The following CDKL4 variants were observed in gnomAD, a reference collection of about 807,000 sequenced individuals.
CDKL4 encodes the protein cyclin dependent kinase like 4, also known as cyclin-dependent kinase-like 4.
A neutral mutation model predicts 42.0 loss-of-function variants in CDKL4; 44 were observed. That is an observed-to-expected ratio of 1.05 (90% CI 0.82 to 1.35). CDKL4 has a LOEUF of 1.35. Ranked by LOEUF, CDKL4 falls within the 40% of genes most tolerant of loss-of-function variation. The pLI is 0.00. For synonymous variants in CDKL4, 120 were observed against 121.6 expected (o/e 0.99, Z 0.09); for missense variants, 393 against 369.9 (o/e 1.06, Z -0.51).
chr2:39,192,269 A>C (rs1484450446), intron 5 of CDKL4, among the ~76,000 whole-genome samples: 1 of 152,226 alleles, frequency 6.6e-6, no homozygotes, highest in Non-Finnish European at 1.5e-5. Flanking sequence ...AACAGAAAGA[A>C]GGTAAATATA....
intron 3 of CDKL4, among the ~76,000 whole-genome samples, chr2:39,220,741 C>T (rs990324888): frequency 5.3e-5 from 8 of 151,850 alleles, no homozygotes; most frequent in South Asian, 2.1e-4. Context: ...CCTGCCACCA[C>T]GCCTGGCTAA....
intron 5 of CDKL4, among the ~76,000 whole-genome samples, chr2:39,191,198 A>G (rs1239904858): frequency 2.0e-5 from 3 of 152,130 alleles, no homozygotes; most frequent in Non-Finnish European, 2.9e-5. Context: ...CAGGAGTTTG[A>G]GACCAGCCTG....
intron 1 of CDKL4, among the ~76,000 whole-genome samples, chr2:39,231,211 C>G (rs1048542699): frequency 1.1e-5 from 1 of 92,954 alleles, no homozygotes; most frequent in Non-Finnish European, 2.6e-5. Context: ...GGCTCCATCT[C>G]AAAAACAAAA....
At chr2:39,209,152 T>A (rs10194938) in intron 4 of CDKL4, among the ~76,000 whole-genome samples, 107,716 of 148,194 alleles carry the variant, frequency 0.73, 43,734 homozygotes, top group Non-Finnish European at 0.91. Flanking sequence ...AAAAAAAAAT[T>A]TTTTTTTTAA....
At chr2:39,178,219 T>C (rs2148276667) in intron 9 of CDKL4, among the ~76,000 whole-genome samples, 1 of 152,340 alleles carries the variant, frequency 6.6e-6, no homozygotes, top group Non-Finnish European at 1.5e-5. Context: ...TGGATTAGTT[T>C]GATTTTTCTC....
At chr2:39,193,478 C>T (rs777914574) in intron 5 of CDKL4, among the ~76,000 whole-genome samples, 133 of 151,848 alleles carry the variant, frequency 8.8e-4, no homozygotes, top group Non-Finnish European at 1.4e-3. Flanking sequence ...CGGGTACATG[C>T]GATTCTCCTG....
At chr2:39,168,390 T>G in the CDKL4 span, among the ~76,000 whole-genome samples, 1 of 152,202 alleles carries the variant, frequency 6.6e-6, no homozygotes, top group Non-Finnish European at 1.5e-5. Flanking sequence ...ATATGCCTGT[T>G]GAGTAGGATT....
At chr2:39,177,524 C>T (rs1558540816) in intron 9 of CDKL4, among the ~76,000 whole-genome samples, 2 of 151,770 alleles carry the variant, frequency 1.3e-5, no homozygotes, top group African/African-American at 4.8e-5. Flanking sequence ...CCTGCCTCAG[C>T]CCCCCAAGTA....
chr2:39,245,174 G>T (rs1403177967), upstream of CDKL4, among the ~76,000 whole-genome samples: 1 of 152,154 alleles, frequency 6.6e-6, no homozygotes, highest in Non-Finnish European at 1.5e-5. Flanking sequence ...AACAAATCTT[G>T]CTACTGCTCA....
intron 1 of CDKL4, among the ~76,000 whole-genome samples, chr2:39,232,701 C>T (rs1236485681): frequency 6.6e-6 from 1 of 152,058 alleles, no homozygotes; most frequent in African/African-American, 2.4e-5. Flanking sequence ...CACATAAATC[C>T]AGTGCCTTCA....
intron 2 of CDKL4, among the ~76,000 whole-genome samples, chr2:39,226,371 T>C (rs1678712992): frequency 6.7e-6 from 1 of 148,316 alleles, no homozygotes; most frequent in Non-Finnish European, 1.5e-5. Context: ...CGGAATAAAC[T>C]GTCTATTCTA....
At chr2:39,190,307 A>T in exon 6 of CDKL4, 1 of 1,613,256 alleles carries the variant, frequency 6.2e-7, no homozygotes, top group Non-Finnish European at 8.5e-7. Context: ...ATTCATACCT[A>T]GTGTTCTGAT....
intron 6 of CDKL4, among the ~76,000 whole-genome samples, chr2:39,189,625 G>A (rs997735030): frequency 1.3e-5 from 2 of 152,144 alleles, no homozygotes; most frequent in African/African-American, 4.8e-5. Context: ...CCTACTGCCT[G>A]TTTCTGTACA....
chr2:39,217,905 G>T (rs112154952), intron 3 of CDKL4, among the ~76,000 whole-genome samples: 3,815 of 151,894 alleles, frequency 0.025, 60 homozygotes, highest in African/African-American at 0.029. Context: ...AGCTAACTTT[G>T]TATTTTTAGT....
At chr2:39,198,518 C>T (rs921721198) in intron 5 of CDKL4, among the ~76,000 whole-genome samples, 7 of 152,112 alleles carry the variant, frequency 4.6e-5, no homozygotes, top group African/African-American at 1.2e-4. Flanking sequence ...GAACTTTCTA[C>T]ACCATAAATG....
chr2:39,172,096 G>A (rs977305477), downstream of CDKL4, among the ~76,000 whole-genome samples: 1 of 152,068 alleles, frequency 6.6e-6, no homozygotes, highest in Non-Finnish European at 1.5e-5. Context: ...GGATCACGAG[G>A]TCAGGGGTTC....
At chr2:39,183,122 A>G (rs539144032) in intron 8 of CDKL4, among the ~76,000 whole-genome samples, 2 of 152,324 alleles carry the variant, frequency 1.3e-5, no homozygotes, top group Non-Finnish European at 2.9e-5. Flanking sequence ...TCTACTAAAA[A>G]TACAAAAATT....
chr2:39,218,994 G>A (rs1678135259), intron 3 of CDKL4, among the ~76,000 whole-genome samples: 1 of 152,144 alleles, frequency 6.6e-6, no homozygotes, highest in Non-Finnish European at 1.5e-5. Context: ...TCCACACTGT[G>A]CTTTATTTTT....
At chr2:39,210,490 A>G (rs1677525416) in intron 4 of CDKL4, among the ~76,000 whole-genome samples, 2 of 152,258 alleles carry the variant, frequency 1.3e-5, no homozygotes, top group South Asian at 2.1e-4. Flanking sequence ...GACTCATCCA[A>G]CCATCCACCC....
Sources: allele counts gnomAD v4.1 joint callset (sites outside exome capture counted in the v4.1 genomes callset), GRCh38; gene constraint gnomAD v4.1.1; transcripts MANE v1.5; gene names NCBI Gene and HGNC (gene_info 2026-07-23, HGNC 2026-07-21).